DDX60L: variants seen among roughly 807,000 people sequenced by gnomAD.
The protein encoded by DDX60L is probable ATP-dependent RNA helicase DDX60-like.
DDX60L carries 191 observed loss-of-function variants against 211.6 expected under a neutral mutation model. The observed-to-expected ratio is 0.90, with a 90% CI of 0.80 to 1.02. The LOEUF is 1.02. Ranked by LOEUF, DDX60L falls within the 50% of genes least tolerant of loss-of-function variation. DDX60L has a pLI of 0.00. For missense variants in DDX60L, 2,007 were observed against 1,984.1 expected (o/e 1.01, Z -0.22); for synonymous variants, 706 against 694.1 (o/e 1.02, Z -0.27).
intron 36 of DDX60L, among the ~76,000 whole-genome samples, chr4:168,361,939 G>C (rs914341533): frequency 6.6e-6 from 1 of 152,172 alleles, no homozygotes; most frequent in Non-Finnish European, 1.5e-5. Flanking sequence ...AAGGCCAGTA[G>C]CCAATCTCTC....
intron 14 of DDX60L, among the ~76,000 whole-genome samples, chr4:168,426,214 G>T (rs1027936440): frequency 6.6e-6 from 1 of 152,176 alleles, no homozygotes; most frequent in African/African-American, 2.4e-5. Flanking sequence ...AAAGGGCTGA[G>T]ATTTTATTCT....
chr4:168,421,632 G>C, intron 17 of DDX60L, 128 bp downstream of exon 17: 1 of 1,306,450 alleles, frequency 7.7e-7, no homozygotes, highest in Non-Finnish European at 1.1e-6. Flanking sequence ...TCCAGCCTGA[G>C]TGACAGAGCA....
chr4:168,375,372 C>T lies in DDX60L; in HGVS notation c.4633+5G>A. 1 of 1,610,640 alleles carries T rather than the reference C, an allele frequency of 6.2e-7. No individual in the cohort carries two copies. The highest frequency in any genetic ancestry group is 1.7e-5 in the Admixed American group (1 of 59,526). ...TGTTCCGGAATGGAACTAAAATCTG[C>T]TTACTGATTCTTGACAAAGGGAGTT... is the stretch of plus-strand genomic sequence containing the variant. On this transcript the variant is annotated splice_donor_5th_base_variant and intron_variant, in intron 34 of 37. Coordinates refer to ENST00000682922, the MANE Select transcript of DDX60L (RefSeq NM_001012967.3).
intron 4 of DDX60L, among the ~76,000 whole-genome samples, chr4:168,467,605 CAA>C (rs1162306318): frequency 6.6e-6 from 1 of 152,008 alleles, no homozygotes; most frequent in African/African-American, 2.4e-5. Context: ...ATACAATTAA[CAA>C]AACTGACACA....
Position 168,448,771 on chromosome 4 carries a change from C to A in DDX60L, c.1005G>T (p.Trp335Cys). 1 of 1,598,070 alleles carries A rather than the reference C, an allele frequency of 6.3e-7. No individual in the cohort carries two copies. The highest frequency in any genetic ancestry group is 1.8e-5 in the Admixed American group (1 of 57,054). Reference protein sequence around the residue: ...NSDSFLKMNKWCEYFILSNLN... With the variant: ...NSDSFLKMNKCCEYFILSNLN... ...AGTTGCTTAAAATGAAATATTCACA[C>A]CACTTGTTCTGAAAATTAAAAATAA... Residue 335 changes from tryptophan (W) to cysteine (C), a missense_variant, in exon 9 of 38, where the codon TGG becomes TGT. Transcript: ENST00000682922.
intron 30 of DDX60L, among the ~76,000 whole-genome samples, chr4:168,382,030 T>C (rs1743055327): frequency 6.6e-6 from 1 of 152,140 alleles, no homozygotes; most frequent in Non-Finnish European, 1.5e-5. Flanking sequence ...ACCTGACTCA[T>C]TACAGGGTTC....
intron 8 of DDX60L, among the ~76,000 whole-genome samples, chr4:168,451,216 A>C (rs1755762773): frequency 6.6e-6 from 1 of 152,182 alleles, no homozygotes; most frequent in South Asian, 2.1e-4. Context: ...ACCTAGAAAA[A>C]CACATAACTG....
At chr4:168,455,272 T>TTGTGTGTGTG (rs34353821) in intron 7 of DDX60L, among the ~76,000 whole-genome samples, 11,503 of 144,060 alleles carry the variant, frequency 0.08, 563 homozygotes, top group South Asian at 0.12. Flanking sequence ...CATACAAACT[T>TTGTGTGTGTG]TGTGTGTGTG....
chr4:168,396,230 C>T, intron 26 of DDX60L, 106 bp from the exon 27 acceptor site: 1 of 639,546 alleles, frequency 1.6e-6, no homozygotes. Context: ...CCGACGTTGA[C>T]AGTAGCTCCA....
rs1317952047 is a variant in DDX60L, at chr4:168,378,479, T to C, written c.4364-4A>G. On this transcript the variant is annotated splice_polypyrimidine_tract_variant and splice_region_variant and intron_variant, in intron 32 of 37. Coordinates refer to ENST00000682922, the MANE Select transcript of DDX60L (RefSeq NM_001012967.3). ...TCTTGGGAAAATTGTTGTGAGCCTA[T>C]TGAAATAAAGAGCATTATTATAAAT... 1.9e-6 allele frequency: 3 copies of C among 1,553,288 alleles called. No homozygotes were observed. Among genetic ancestry groups the C allele is most frequent in the African/African-American group, 1.4e-5 (1 of 72,596 alleles).
intron 15 of DDX60L, among the ~76,000 whole-genome samples, chr4:168,422,971 G>GC (rs1750886293): frequency 3.8e-5 from 1 of 26,242 alleles, no homozygotes; most frequent in Non-Finnish European, 8.1e-5. Flanking sequence ...GGCTAATATT[G>GC]TGTGTGTGTG....
chr4:168,472,536 G>C lies in DDX60L; in HGVS notation c.5-12C>G, dbSNP rs758324816. The C allele has an allele frequency of 6.3e-7, 1 of 1,577,802 alleles. No individual in the cohort carries two copies. The highest frequency in any genetic ancestry group is 1.1e-5 in the South Asian group (1 of 87,032). On this transcript the variant is annotated splice_polypyrimidine_tract_variant and intron_variant, in intron 2 of 37. Coordinates refer to ENST00000682922, the MANE Select transcript of DDX60L (RefSeq NM_001012967.3). ...ATGATCCTTTGACCCTAAAAATAAG[G>C]AGATTTTTTGAGCCATCAATATTTT...
intron 24 of DDX60L, among the ~76,000 whole-genome samples, chr4:168,404,329 T>C (rs1747366817): frequency 6.6e-6 from 1 of 151,930 alleles, no homozygotes; most frequent in East Asian, 1.9e-4. Context: ...TAAAATATAA[T>C]ATATGATATT....
rs1218219614 is a variant in DDX60L at position 168,374,705 on chromosome 4, A to G, written c.4633+672T>C. Among the ~76,000 whole-genome samples the G allele has an allele frequency of 2.6e-5, 4 of 152,230 alleles. No individual in the cohort carries two copies. In the East Asian group the frequency reaches 7.7e-4, roughly 29 times the overall value. ...AATTGTTTTATTTTTAATCAACTTAATTTAAATAGTGACACGTAGCTAGCT... is the reference window on the plus strand; with the variant it reads ...AATTGTTTTATTTTTAATCAACTTAGTTTAAATAGTGACACGTAGCTAGCT... On this transcript the variant is annotated intron_variant, in intron 34 of 37. Transcript: ENST00000682922.
In DDX60L at chr4:168,431,652, T is replaced by C. The variant is rs1044184935; in HGVS notation, c.1516+803A>G. ...CACCAGCATGGCACATGTATACATA[T>C]GTAACTAACCTGCACATTGTGCACA... On this transcript the variant is annotated intron_variant, in intron 12 of 37. Coordinates refer to ENST00000682922, the MANE Select transcript of DDX60L (RefSeq NM_001012967.3). Among the ~76,000 whole-genome samples, 7 of 151,922 alleles carry C rather than the reference T, an allele frequency of 4.6e-5. No individual in the cohort carries two copies. In the East Asian group the frequency reaches 1.2e-3, roughly 25 times the overall value.
intron 25 of DDX60L, among the ~76,000 whole-genome samples, chr4:168,403,392 G>C (rs1252083349): frequency 5.3e-5 from 8 of 152,174 alleles, no homozygotes; most frequent in Non-Finnish European, 1.0e-4. Context: ...AATTTTCGTA[G>C]TTAAAATAAT....
intron 36 of DDX60L, among the ~76,000 whole-genome samples, chr4:168,368,046 G>A (rs1740291027): frequency 6.6e-6 from 1 of 152,242 alleles, no homozygotes; most frequent in African/African-American, 2.4e-5. Flanking sequence ...TCCATTTTCT[G>A]AGGAGAAATT....
intron 35 of DDX60L, among the ~76,000 whole-genome samples, chr4:168,372,750 G>C (rs1182704271): frequency 6.6e-6 from 1 of 151,728 alleles, no homozygotes; most frequent in Admixed American, 6.6e-5. Context: ...GGAAAGGGAG[G>C]GGAGTCGAGG....
At chr4:168,460,719 T>C (rs886443173) in intron 5 of DDX60L, among the ~76,000 whole-genome samples, 2 of 152,192 alleles carry the variant, frequency 1.3e-5, no homozygotes, top group Admixed American at 6.5e-5. Flanking sequence ...TGACACTAAC[T>C]ACCCTGGGTT....
Sources: allele counts gnomAD v4.1 joint callset (sites outside exome capture counted in the v4.1 genomes callset), GRCh38; gene constraint gnomAD v4.1.1; transcripts MANE v1.5; gene names NCBI Gene and HGNC (gene_info 2026-07-23, HGNC 2026-07-21).